The following SDK2 variants were observed in gnomAD, a reference collection of about 807,000 sequenced individuals.
SDK2 encodes protein sidekick-2.
Under a neutral mutation model 253.9 loss-of-function variants are expected in SDK2, and 105 were observed. The ratio of observed to expected loss-of-function variants is 0.41; its 90% CI spans 0.35 to 0.49. The LOEUF is 0.49. Among genes scored for constraint, SDK2 ranks in the 20% least tolerant of loss-of-function variants. SDK2 has a pLI of 0.06. For missense variants in SDK2, 2,608 were observed against 3,003.0 expected (o/e 0.87, Z 3.07); for synonymous variants, 1,249 against 1,234.9 (o/e 1.01, Z -0.24).
intron 2 of SDK2, among the ~76,000 whole-genome samples, chr17:73,504,003 A>C (rs1167316164): frequency 2.0e-5 from 3 of 152,168 alleles, no homozygotes; most frequent in African/African-American, 7.2e-5. Flanking sequence ...AGGGCCTGGC[A>C]ATATCAAGCT....
intron 1 of SDK2, among the ~76,000 whole-genome samples, chr17:73,625,366 T>TC (rs1567880007): frequency 1.3e-5 from 2 of 151,980 alleles, no homozygotes. Flanking sequence ...GAGAAGAGGG[T>TC]CCCCTGGCCT....
intron 1 of SDK2, among the ~76,000 whole-genome samples, chr17:73,636,240 C>T (rs2046327908): frequency 1.3e-5 from 2 of 152,036 alleles, no homozygotes; most frequent in Admixed American, 1.3e-4. Context: ...ATCTCTCAGC[C>T]TCACTTTATC....
intron 1 of SDK2, among the ~76,000 whole-genome samples, chr17:73,524,369 C>T (rs560767611): frequency 2.2e-4 from 33 of 152,334 alleles, no homozygotes; most frequent in African/African-American, 7.7e-4. Flanking sequence ...GCCATTCACC[C>T]TTCTTTTTCT....
At chr17:73,508,454 G>A (rs1012353274) in intron 1 of SDK2, among the ~76,000 whole-genome samples, 4 of 152,240 alleles carry the variant, frequency 2.6e-5, no homozygotes, top group African/African-American at 7.2e-5. Context: ...TGGAACAATG[G>A]GAGAGACGGA....
chr17:73,348,793 G>T, intron 43 of SDK2, 68 bp from the exon 44 acceptor site: 1 of 1,344,812 alleles, frequency 7.4e-7, no homozygotes, highest in South Asian at 1.3e-5. Context: ...GGCCTAGGGA[G>T]ACCACAGTGG....
At chr17:73,518,523 G>C (rs1005522809) in intron 1 of SDK2, 3 of 152,154 alleles carry the variant, frequency 2.0e-5, no homozygotes, top group African/African-American at 7.2e-5. Context: ...GAACCACACA[G>C]GTAAACAGGG....
At chr17:73,439,282 G>A (rs562845782) in intron 6 of SDK2, among the ~76,000 whole-genome samples, 6 of 152,250 alleles carry the variant, frequency 3.9e-5, no homozygotes, top group Non-Finnish European at 7.3e-5. Flanking sequence ...CAGCAGAGCC[G>A]TGAGCCAAAT....
intron 20 of SDK2, 84 bp from the exon 21 acceptor site, chr17:73,401,295 T>A: frequency 1.6e-6 from 2 of 1,270,770 alleles, no homozygotes; most frequent in Non-Finnish European, 2.2e-6. Context: ...ACTTCTCCAC[T>A]AGGCTGGCAA....
rs948190336 is a variant in SDK2 at position 73,417,202 on chromosome 17, G to A, written c.2187-1210C>T. On this transcript the variant is annotated intron_variant, in intron 16 of 44. Coordinates refer to ENST00000392650, the MANE Select transcript of SDK2 (RefSeq NM_001144952.2). ...GTGGATCACTTGAGGTCAGGAGTTC[G>A]AGACCAGCCTGGCCAAAAAGATGAA... 6.1e-5 allele frequency among the ~76,000 whole-genome samples: 9 copies of A among 148,720 alleles called. No individual in the cohort carries two copies. In the East Asian group the frequency reaches 1.6e-3, roughly 27 times the overall value.
At chr17:73,340,734 G>GT (rs10638504) in intron 44 of SDK2, among the ~76,000 whole-genome samples, 2,396 of 77,374 alleles carry the variant, frequency 0.031, 444 homozygotes, top group East Asian at 0.12. Flanking sequence ...AAACCTTAAA[G>GT]TTTTTTTTTT....
rs372872509 is a variant in SDK2, at chr17:73,509,500, A to G, written c.65-1903T>C. 9.9e-5 allele frequency among the ~76,000 whole-genome samples: 15 copies of G among 152,070 alleles called. No homozygotes were observed. In the South Asian group the frequency reaches 2.3e-3, roughly 23 times the overall value. On this transcript the variant is annotated intron_variant, in intron 1 of 44. Coordinates refer to ENST00000392650, the MANE Select transcript of SDK2 (RefSeq NM_001144952.2). ...GCCTTCTTTTGGCTTAAGAAATGGA[A>G]CAAACCAGGCTGGCCATGGTGGCTC...
chr17:73,406,103 A>G (rs1347104085), intron 18 of SDK2, among the ~76,000 whole-genome samples: 1 of 152,106 alleles, frequency 6.6e-6, no homozygotes, highest in Non-Finnish European at 1.5e-5. Flanking sequence ...TAGTTGTTAT[A>G]CTGTATTGTT....
chr17:73,611,264 C>G (rs2143126662), intron 1 of SDK2, among the ~76,000 whole-genome samples: 1 of 152,324 alleles, frequency 6.6e-6, no homozygotes, highest in East Asian at 1.9e-4. Flanking sequence ...ACAAAGACCC[C>G]TCACCCAAGT....
intron 16 of SDK2, among the ~76,000 whole-genome samples, chr17:73,417,909 A>C (rs1412979868): frequency 6.6e-6 from 1 of 152,112 alleles, no homozygotes; most frequent in South Asian, 2.1e-4. Context: ...TTCAGCATCT[A>C]ATTATTGGAA....
intron 2 of SDK2, among the ~76,000 whole-genome samples, chr17:73,475,572 T>G (rs1357351269): frequency 6.6e-6 from 1 of 152,172 alleles, no homozygotes; most frequent in Non-Finnish European, 1.5e-5. Flanking sequence ...AAACTAAATG[T>G]CCATCAAAAT....
At chr17:73,628,858 C>T (rs2046235153) in intron 1 of SDK2, among the ~76,000 whole-genome samples, 1 of 152,188 alleles carries the variant, frequency 6.6e-6, no homozygotes, top group Admixed American at 6.5e-5. Context: ...CTTCAGCCAC[C>T]CCCTCCCACC....
At chr17:73,422,461 G>T in intron 14 of SDK2, 27 bp from the exon 15 acceptor site, 1 of 1,608,222 alleles carries the variant, frequency 6.2e-7, no homozygotes, top group African/African-American at 1.3e-5. Context: ...TGGGGCAGAA[G>T]TGGGTATCTT....
Position 73,352,409 on chromosome 17 carries a change from C to T in SDK2, c.5758+64G>A, listed in dbSNP as rs919035301. The T allele has an allele frequency of 1.5e-5, 23 of 1,554,364 alleles. No individual in the cohort carries two copies. The Admixed American group carries it at 1.5e-4, about 10-fold the overall frequency. ...TGGTGCCTCTCCTCCTTCCGCCCTG[C>T]CCAGTGTCAGCCCCCAGGCTCTGCT... On this transcript the variant is annotated intron_variant, in intron 41 of 44. Coordinates refer to ENST00000392650, the MANE Select transcript of SDK2 (RefSeq NM_001144952.2). The surrounding 1 kb of genome is among the most constrained non-coding windows in gnomAD (Gnocchi z 4.1).
At chr17:73,376,756 G>A (rs2062785130) in intron 36 of SDK2, among the ~76,000 whole-genome samples, 1 of 152,178 alleles carries the variant, frequency 6.6e-6, no homozygotes, top group Admixed American at 6.5e-5. Context: ...TCCCATGGGA[G>A]GCATATGCTA....
Sources: allele counts gnomAD v4.1 joint callset (sites outside exome capture counted in the v4.1 genomes callset), GRCh38; gene constraint gnomAD v4.1.1; non-coding constraint Gnocchi (gnomAD v3.1); transcripts MANE v1.5; gene names NCBI Gene and HGNC (gene_info 2026-07-23, HGNC 2026-07-21).